Variants in KCNQ3 observed in about 807,000 individuals in gnomAD.
The protein encoded by KCNQ3 is potassium voltage-gated channel subfamily KQT member 3.
KCNQ3 carries 30 observed loss-of-function variants against 92.5 expected under a neutral mutation model. That is an observed-to-expected ratio of 0.32 (90% CI 0.24 to 0.44). KCNQ3 has a LOEUF of 0.44. KCNQ3 is among the 20% of genes least tolerant of loss of function. KCNQ3 has a pLI of 1.00. For synonymous variants in KCNQ3, 450 were observed against 468.8 expected, an observed-to-expected ratio of 0.96 and a Z score of 0.52; for missense variants, 913 against 1,140.3, an observed-to-expected ratio of 0.80 and a Z score of 2.87.
chr8:132,308,617 T>C (rs1228995744), intron 1 of KCNQ3, among the ~76,000 whole-genome samples: 2 of 152,184 alleles, frequency 1.3e-5, no homozygotes, highest in East Asian at 3.8e-4. Flanking sequence ...CGTTTGTTTT[T>C]CTAATTATTA....
chr8:132,394,930 C>T (rs1477652247), intron 1 of KCNQ3, among the ~76,000 whole-genome samples: 4 of 152,292 alleles, frequency 2.6e-5, no homozygotes, highest in South Asian at 2.1e-4. Context: ...ACTCCAGCTG[C>T]GTCGGATGTG....
chr8:132,147,663 G>A (rs1390911900), intron 9 of KCNQ3, among the ~76,000 whole-genome samples: 2 of 152,098 alleles, frequency 1.3e-5, no homozygotes, highest in East Asian at 3.8e-4. Context: ...GTGCATGGAT[G>A]ATAGATGGAT....
intron 1 of KCNQ3, among the ~76,000 whole-genome samples, chr8:132,280,752 C>A (rs753048656): frequency 6.6e-5 from 10 of 152,076 alleles, no homozygotes; most frequent in Non-Finnish European, 1.3e-4. Context: ...GCAGCTGGTG[C>A]AAAAATCAGA....
chr8:132,204,725 A>G (rs1813600697), intron 1 of KCNQ3, among the ~76,000 whole-genome samples: 1 of 152,232 alleles, frequency 6.6e-6, no homozygotes, highest in Non-Finnish European at 1.5e-5. Context: ...GCACTTGGTC[A>G]CGTTGCCTCA....
intron 1 of KCNQ3, among the ~76,000 whole-genome samples, chr8:132,448,556 AAAG>A (rs1203974239): frequency 6.6e-6 from 1 of 152,036 alleles, no homozygotes; most frequent in African/African-American, 2.4e-5. Flanking sequence ...GAAAAAGTAA[AAAG>A]GAGGAGGAGG....
chr8:132,443,143 AG>A (rs1440499427), intron 1 of KCNQ3, among the ~76,000 whole-genome samples: 1 of 152,226 alleles, frequency 6.6e-6, no homozygotes, highest in Non-Finnish European at 1.5e-5. Context: ...TTGGAAATAA[AG>A]GTAGGGAGGG....
chr8:132,156,356 T>G (rs1825794991), intron 9 of KCNQ3, among the ~76,000 whole-genome samples: 1 of 152,054 alleles, frequency 6.6e-6, no homozygotes, highest in Non-Finnish European at 1.5e-5. Flanking sequence ...ACACAGCTAA[T>G]TACAAGGGAA....
At chr8:132,146,338 T>C (rs527396519) in intron 9 of KCNQ3, among the ~76,000 whole-genome samples, 1 of 152,304 alleles carries the variant, frequency 6.6e-6, no homozygotes, top group South Asian at 2.1e-4. Flanking sequence ...TGTTGCAACA[T>C]GAATAAACCT....
At chr8:132,236,655 G>A (rs1003962287) in intron 1 of KCNQ3, among the ~76,000 whole-genome samples, 2 of 152,158 alleles carry the variant, frequency 1.3e-5, no homozygotes, top group Non-Finnish European at 2.9e-5. Flanking sequence ...ATTCCAAGCA[G>A]TGTGGTTATG....
At chr8:132,289,076 G>A (rs763763361) in intron 1 of KCNQ3, among the ~76,000 whole-genome samples, 9 of 152,276 alleles carry the variant, frequency 5.9e-5, no homozygotes, top group Admixed American at 1.3e-4. Flanking sequence ...CAACTGAGCT[G>A]CAAAGACATT....
chr8:132,430,887 A>C (rs1039836008), intron 1 of KCNQ3, among the ~76,000 whole-genome samples: 3 of 152,126 alleles, frequency 2.0e-5, no homozygotes, highest in African/African-American at 7.2e-5. Context: ...CGTCAGTAAA[A>C]GGGGGCTCAA....
At chr8:132,143,380 A>G (rs1057466179) in intron 9 of KCNQ3, among the ~76,000 whole-genome samples, 1 of 152,136 alleles carries the variant, frequency 6.6e-6, no homozygotes, top group African/African-American at 2.4e-5. Flanking sequence ...GAGACAGTAC[A>G]TTTCCATGCC....
At chr8:132,198,420 T>C (rs1337287252) in intron 1 of KCNQ3, among the ~76,000 whole-genome samples, 1 of 152,228 alleles carries the variant, frequency 6.6e-6, no homozygotes, top group Non-Finnish European at 1.5e-5. Flanking sequence ...AGATAACTAA[T>C]ACTAGTTTTC....
chr8:132,285,103 A>G (rs1233965788), intron 1 of KCNQ3, among the ~76,000 whole-genome samples: 2 of 152,220 alleles, frequency 1.3e-5, no homozygotes, highest in Non-Finnish European at 1.5e-5. Flanking sequence ...TGAGGCAGAA[A>G]ATTGGTACTG....
chr8:132,337,773 C>T (rs538980811), intron 1 of KCNQ3, among the ~76,000 whole-genome samples: 8 of 152,174 alleles, frequency 5.3e-5, no homozygotes, highest in Non-Finnish European at 1.2e-4. Flanking sequence ...TGTGCCTAGG[C>T]CCATGCCTGG....
chr8:132,297,325 C>A (rs1318263712), intron 1 of KCNQ3, among the ~76,000 whole-genome samples: 1 of 151,922 alleles, frequency 6.6e-6, no homozygotes, highest in Non-Finnish European at 1.5e-5. Flanking sequence ...CGAAAATTTT[C>A]TCCCATTTTG....
At chr8:132,252,496 G>C (rs796214443) in intron 1 of KCNQ3, among the ~76,000 whole-genome samples, 6 of 152,322 alleles carry the variant, frequency 3.9e-5, no homozygotes, top group African/African-American at 1.4e-4. Flanking sequence ...AGGTAGTGAG[G>C]ACCCAAAGAG....
intron 1 of KCNQ3, among the ~76,000 whole-genome samples, chr8:132,462,204 TA>T (rs1219795337): frequency 6.6e-6 from 1 of 152,048 alleles, no homozygotes; most frequent in African/African-American, 2.4e-5. Context: ...TTTATTTATT[TA>T]TTTTATTTTT....
rs1814145367 is a variant in KCNQ3 at position 132,219,422 on chromosome 8, T to C, written c.387-33241A>G. Among the ~76,000 whole-genome samples, 5 of 152,100 alleles carry C rather than the reference T, an allele frequency of 3.3e-5. No individual in the cohort carries two copies. In the South Asian group the frequency reaches 1.0e-3, roughly 32 times the overall value. On this transcript the variant is annotated intron_variant, in intron 1 of 14. Coordinates refer to ENST00000388996, the MANE Select transcript of KCNQ3 (RefSeq NM_004519.4). The stretch of plus-strand genomic sequence containing the variant: ...TTTGATGAAGGTCCAGCTAACCAAC[T>C]ACACTGGTGACTTGGTAAACCCAGG...
Sources: allele counts gnomAD v4.1 joint callset (sites outside exome capture counted in the v4.1 genomes callset), GRCh38; gene constraint gnomAD v4.1.1; transcripts MANE v1.5; gene names NCBI Gene and HGNC (gene_info 2026-07-23, HGNC 2026-07-21).